The following EWSR1 variants were observed in gnomAD, a reference collection of about 807,000 sequenced individuals.
EWSR1 encodes the protein EWS RNA binding protein 1, also known as RNA-binding protein EWS.
EWSR1 carries 14 observed loss-of-function variants against 92.1 expected under a neutral mutation model. That is an observed-to-expected ratio of 0.15 (90% CI 0.10 to 0.24). The LOEUF is 0.24. Among genes scored for constraint, EWSR1 ranks in the 10% least tolerant of loss-of-function variants. EWSR1 has a pLI of 1.00. For synonymous variants in EWSR1, 303 were observed against 292.9 expected, an observed-to-expected ratio of 1.03 and a Z score of -0.35; for missense variants, 637 against 870.9, an observed-to-expected ratio of 0.73 and a Z score of 3.38.
Position 29,291,348 on chromosome 22 carries a change from A to G in EWSR1, c.975-214A>G, listed in dbSNP as rs1037597072. 12 of 465,692 alleles carry G rather than the reference A, an allele frequency of 2.6e-5. No homozygotes were observed. The Admixed American group carries it at 3.3e-4, about 13-fold the overall frequency. 28.8% of individuals were successfully genotyped at this position (465,692 alleles called of 1,614,324 possible). ...CCAGCCCCCGAAATGAAAGGAACCA[A>G]CCACACTGGTGTGTACAATCAGACA... On this transcript the variant is annotated intron_variant, in intron 8 of 16. Coordinates refer to ENST00000397938, the MANE Select transcript of EWSR1 (RefSeq NM_005243.4).
chr22:29,294,729 C>T (rs533163200), intron 11 of EWSR1, among the ~76,000 whole-genome samples: 26 of 152,022 alleles, frequency 1.7e-4, no homozygotes, highest in Admixed American at 1.5e-3. Context: ...TCCTGGCCAA[C>T]GTGGTGAAAC....
rs1421346973 is a variant in EWSR1, at chr22:29,297,896, G to A, written c.1364G>A (p.Arg455Gln). The change falls in exon 13 of 17, where the codon CGG becomes CAG. Residue 455 changes from arginine to glutamine, a missense_variant. Around this residue, in one of 5 missense-constraint regions of EWSR1, gnomAD observed 363 missense variants for 447.8 expected, o/e 0.81. Coordinates refer to ENST00000397938, the MANE Select transcript of EWSR1 (RefSeq NM_005243.4). ...AAGAAGCCTCCAATGAACAGTATGC[G>A]GGGTGGTCTGCCACCCCGTGAGGGC... Reference protein sequence around the residue: ...ARKKPPMNSMRGGLPPREGRG... With the variant: ...ARKKPPMNSMQGGLPPREGRG... The A allele has an allele frequency of 5.6e-6, 9 of 1,613,866 alleles. No individual in the cohort carries two copies. Among genetic ancestry groups the A allele is most frequent in the East Asian group, 2.2e-5 (1 of 44,860 alleles).
At chr22:29,290,986 T>C (rs2060401320) in intron 8 of EWSR1, 1 of 237,188 alleles carries the variant, frequency 4.2e-6, no homozygotes, top group Non-Finnish European at 8.3e-6. Flanking sequence ...TAAATTCTCC[T>C]TTCACAGCGA....
intron 8 of EWSR1, chr22:29,288,994 C>A (rs557752655): frequency 1.6e-4 from 84 of 513,976 alleles, no homozygotes; most frequent in Non-Finnish European, 2.0e-4. Flanking sequence ...CAGTATACTT[C>A]GTTGGGTCGG....
intron 1 of EWSR1, among the ~76,000 whole-genome samples, chr22:29,270,058 A>T (rs2058540311): frequency 6.6e-6 from 1 of 152,216 alleles, no homozygotes; most frequent in African/African-American, 2.4e-5. Context: ...AGACCTCTTA[A>T]GCTTTTGAGC....
chr22:29,288,891 A>G (rs961116394), intron 8 of EWSR1, 105 bp downstream of exon 8: 1 of 1,134,756 alleles, frequency 8.8e-7, no homozygotes, highest in African/African-American at 1.6e-5. Flanking sequence ...CTGCATTTCC[A>G]TGGACAATCT....
At chr22:29,270,633 A>G (rs1478938652) in intron 1 of EWSR1, among the ~76,000 whole-genome samples, 1 of 152,174 alleles carries the variant, frequency 6.6e-6, no homozygotes. Flanking sequence ...TGCCAGTTTG[A>G]TGTTTTACAT....
In EWSR1 at chr22:29,285,732, G is replaced by A. The variant is rs546988012; in HGVS notation, c.582-1191G>A. 4.6e-5 allele frequency among the ~76,000 whole-genome samples: 7 copies of A among 151,496 alleles called. No homozygotes were observed. In the East Asian group the frequency reaches 1.3e-3, roughly 29 times the overall value. ...ACTTCACTCTCTCTATATTTTCTCA[G>A]TCCCCATTTCACTGGGTCAGCCTTC... On this transcript the variant is annotated intron_variant, in intron 6 of 16. Transcript: ENST00000397938.
At chr22:29,270,154 G>A (rs1041287798) in intron 1 of EWSR1, among the ~76,000 whole-genome samples, 1 of 152,208 alleles carries the variant, frequency 6.6e-6, no homozygotes, top group Non-Finnish European at 1.5e-5. Context: ...CTCAGGTAGT[G>A]TGAAGCAGCT....
chr22:29,288,591 T>C lies in EWSR1; in HGVS notation c.794-15T>C. On this transcript the variant is annotated splice_polypyrimidine_tract_variant and intron_variant, in intron 7 of 16. Transcript: ENST00000397938. ...AATGCTGGTCCATGGCTTACAGATG[T>C]GACTCTTTCCTCAGGTTCATTCCGA... 1 of 1,603,442 alleles carries C rather than the reference T, an allele frequency of 6.2e-7. No homozygotes were observed. The highest frequency in any genetic ancestry group is 1.3e-5 in the African/African-American group (1 of 74,610).
intron 6 of EWSR1, 114 bp downstream of exon 6, chr22:29,282,671 G>C: frequency 1.2e-6 from 1 of 828,726 alleles, no homozygotes; most frequent in Non-Finnish European, 1.7e-6. Context: ...CTGTCGCAGT[G>C]ATAAGTCATC....
At chr22:29,296,515 C>A in intron 12 of EWSR1, 147 bp downstream of exon 12, 1 of 796,838 alleles carries the variant, frequency 1.3e-6, no homozygotes, top group Non-Finnish European at 1.9e-6. Context: ...TAGTAGCACC[C>A]AGCCATTGAC....
At chr22:29,288,915 C>T (rs2060244265) in intron 8 of EWSR1, 129 bp downstream of exon 8, 1 of 888,362 alleles carries the variant, frequency 1.1e-6, no homozygotes, top group African/African-American at 1.7e-5. Flanking sequence ...GAGCTCAAGC[C>T]ATCTTCTAAA....
intron 4 of EWSR1, chr22:29,276,332 T>TG (rs1244280132): frequency 4.4e-6 from 1 of 228,746 alleles, no homozygotes. Flanking sequence ...TTTTATTGCT[T>TG]GGGGCTTCCT....
intron 11 of EWSR1, among the ~76,000 whole-genome samples, chr22:29,293,347 A>G (rs2060590738): frequency 6.6e-6 from 1 of 152,170 alleles, no homozygotes. Flanking sequence ...CTTCATAGCT[A>G]GTAACGCAGA....
rs987304034 is a variant in EWSR1 at position 29,299,494 on chromosome 22, T to C, written c.1679-105T>C. ...CGATGCCGAGATTGAGTGAAGTGTC[T>C]GGTTTGTTCTGCTGTGAGAGAAGGA... On this transcript the variant is annotated intron_variant, in intron 15 of 16. Coordinates refer to ENST00000397938, the MANE Select transcript of EWSR1 (RefSeq NM_005243.4). The C allele has an allele frequency of 1.2e-5, 18 of 1,492,278 alleles. No homozygotes were observed. In the African/African-American group the frequency reaches 2.1e-4, roughly 17 times the overall value. The allele number at this position is 1,492,278 out of a possible 1,614,324, so 92.4% of individuals were successfully genotyped here.
chr22:29,279,271 G>A (rs2059377369), intron 5 of EWSR1, among the ~76,000 whole-genome samples: 1 of 152,148 alleles, frequency 6.6e-6, no homozygotes, highest in African/African-American at 2.4e-5. Flanking sequence ...AAACATGGTA[G>A]TTCACACAGG....
intron 12 of EWSR1, 127 bp from the exon 13 acceptor site, chr22:29,297,700 T>G (rs1009335985): frequency 9.1e-6 from 12 of 1,322,120 alleles, no homozygotes; most frequent in Middle Eastern, 5.5e-4. Context: ...TCTGGCCTTG[T>G]CATTAAAGAT....
chr22:29,288,476 A>G, intron 7 of EWSR1, 130 bp from the exon 8 acceptor site: 1 of 790,754 alleles, frequency 1.3e-6, no homozygotes, highest in South Asian at 2.1e-5. Context: ...AGGATGCTTT[A>G]TCGTGATGTA....
Sources: gnomAD v4.1 joint callset for allele counts (sites outside exome capture counted in the v4.1 genomes callset) on GRCh38, gnomAD v4.1.1 for gene constraint, gnomAD v4.1.1 regional missense constraint, MANE v1.5 for transcripts, NCBI Gene and HGNC (gene_info 2026-07-23, HGNC 2026-07-21) for gene names.